Variants in DLC1 observed in about 807,000 individuals in gnomAD.
The protein encoded by DLC1 is DLC1 Rho GTPase activating protein.
In DLC1, 54 loss-of-function variants were observed where a neutral mutation model predicts 140.3. The ratio of observed to expected loss-of-function variants is 0.38; its 90% CI spans 0.31 to 0.48. The LOEUF (loss-of-function observed/expected upper bound fraction) is 0.48. Ranked by LOEUF, DLC1 falls within the 20% of genes least tolerant of loss-of-function variation. The pLI is 0.96. For missense variants in DLC1, 2,536 were observed against 1,907.0 expected, an observed-to-expected ratio of 1.33 and a Z score of -6.14; for synonymous variants, 986 against 728.1, an observed-to-expected ratio of 1.35 and a Z score of -5.70.
intron 2 of DLC1, among the ~76,000 whole-genome samples, chr8:13,418,581 T>A (rs1838176922): frequency 6.6e-6 from 1 of 152,220 alleles, no homozygotes; most frequent in African/African-American, 2.4e-5. Context: ...TATATCTCTA[T>A]TTTGGTACCA....
intron 2 of DLC1, among the ~76,000 whole-genome samples, chr8:13,426,835 G>A (rs1186919816): frequency 6.6e-6 from 1 of 151,800 alleles, no homozygotes; most frequent in Non-Finnish European, 1.5e-5. Flanking sequence ...TCTCATCCTA[G>A]GAGATCCTCC....
At chr8:13,321,226 G>A (rs1278308641) in intron 4 of DLC1, among the ~76,000 whole-genome samples, 1 of 152,156 alleles carries the variant, frequency 6.6e-6, no homozygotes, top group Admixed American at 6.5e-5. Context: ...AGAAAAACTG[G>A]AGAGTATTAA....
intron 1 of DLC1, among the ~76,000 whole-genome samples, chr8:13,587,171 G>A (rs1311067605): frequency 6.6e-6 from 1 of 150,786 alleles, no homozygotes; most frequent in Non-Finnish European, 1.5e-5. Context: ...ATGCACAGAT[G>A]CACATTTTAT....
intron 5 of DLC1, among the ~76,000 whole-genome samples, chr8:13,186,293 C>T (rs936441280): frequency 8.5e-5 from 13 of 152,168 alleles, no homozygotes; most frequent in South Asian, 2.1e-4. Context: ...ACCAATCAAA[C>T]GCAGATTTGG....
chr8:13,495,352 G>C (rs1371346476), intron 2 of DLC1, among the ~76,000 whole-genome samples: 1 of 152,044 alleles, frequency 6.6e-6, no homozygotes, highest in Non-Finnish European at 1.5e-5. Context: ...TTCTTAGACT[G>C]TCTCCCTCCT....
chr8:13,396,819 C>G (rs1011024162), intron 3 of DLC1, among the ~76,000 whole-genome samples: 3 of 152,148 alleles, frequency 2.0e-5, no homozygotes, highest in African/African-American at 7.2e-5. Flanking sequence ...CCCAAAAGCT[C>G]TCCCAAAATC....
At chr8:13,402,377 A>C (rs1385025380) in intron 2 of DLC1, among the ~76,000 whole-genome samples, 1 of 152,216 alleles carries the variant, frequency 6.6e-6, no homozygotes, top group African/African-American at 2.4e-5. Context: ...TGGTGTGTTT[A>C]AGTCAAGTCA....
At chr8:13,137,939 G>A (rs1822694630) in intron 5 of DLC1, among the ~76,000 whole-genome samples, 1 of 152,072 alleles carries the variant, frequency 6.6e-6, no homozygotes, top group Admixed American at 6.5e-5. Context: ...GGTATCCGTG[G>A]CCACTGTATT....
At chr8:13,221,726 G>GTGTATA (rs952162614) in intron 5 of DLC1, among the ~76,000 whole-genome samples, 1 of 132,448 alleles carries the variant, frequency 7.6e-6, no homozygotes, top group African/African-American at 2.9e-5. Flanking sequence ...GTGTGTGTGT[G>GTGTATA]TATATATATA....
chr8:13,084,523 G>C lies in DLC1; in HGVS notation c.*1288C>G, dbSNP rs1817396395. On this transcript the variant is annotated 3_prime_UTR_variant, in exon 18 of 18. Coordinates refer to ENST00000276297, the MANE Select transcript of DLC1 (RefSeq NM_182643.3). ...CTAAAGGTTCTAAAAAACTTCACTGGTTTGGGTTGGTTTTCTTCTTGTTGC... is the reference window on the plus strand; with the variant it reads ...CTAAAGGTTCTAAAAAACTTCACTGCTTTGGGTTGGTTTTCTTCTTGTTGC... 1 of 151,126 alleles carries C rather than the reference G, an allele frequency of 6.6e-6. No homozygotes were observed. The highest frequency in any genetic ancestry group is 2.4e-5 in the African/African-American group (1 of 40,988). The allele number at this position is 151,126 out of a possible 1,614,324, so 9.4% of individuals were successfully genotyped here. A position where few individuals can be genotyped will look rare whatever the true frequency, so the allele number is the denominator to read the frequency against.
At position 13,423,950 on chromosome 8, in the gene DLC1, G is replaced by T. The variant is rs189363086; in HGVS notation, c.1024-22331C>A. On this transcript the variant is annotated intron_variant, in intron 2 of 17. Transcript: ENST00000276297. Reference sequence around the variant, plus strand: ...AGAATTATGATCTCATTATTTTTAAGATTCTGTTATTTGCTCAGCAAAACG... The same window carrying T: ...AGAATTATGATCTCATTATTTTTAATATTCTGTTATTTGCTCAGCAAAACG... Among the ~76,000 whole-genome samples the T allele has an allele frequency of 3.3e-4, 50 of 152,252 alleles. 1 individual carries two copies. The highest frequency in any genetic ancestry group is 7.8e-4 in the Admixed American group (12 of 15,296).
chr8:13,097,139 A>G (rs1381305262), intron 10 of DLC1, among the ~76,000 whole-genome samples: 1 of 152,182 alleles, frequency 6.6e-6, no homozygotes, highest in African/African-American at 2.4e-5. Flanking sequence ...ATAATATGTT[A>G]GAGTAGTGAA....
At position 13,085,779 on chromosome 8, in the gene DLC1, T is replaced by C. The variant is rs375400572; in HGVS notation, c.*32A>G. ...GCAAAAGTTCTAGAAACAAACACCA[T>C]GGTGGTGGAAGCGGTTGCGTTGCTT... On this transcript the variant is annotated 3_prime_UTR_variant, in exon 18 of 18. Transcript: ENST00000276297. 64 of 1,613,552 alleles carry C rather than the reference T, an allele frequency of 4.0e-5. No homozygotes were observed. The highest frequency in any genetic ancestry group is 5.2e-5 in the Non-Finnish European group (61 of 1,179,742).
chr8:13,140,822 G>A (rs1015236882), intron 5 of DLC1, among the ~76,000 whole-genome samples: 8 of 152,118 alleles, frequency 5.3e-5, no homozygotes, highest in African/African-American at 1.9e-4. Flanking sequence ...TACAAAACAG[G>A]TCATTTACTA....
intron 4 of DLC1, among the ~76,000 whole-genome samples, chr8:13,388,279 G>T (rs1836609114): frequency 6.6e-6 from 1 of 151,866 alleles, no homozygotes; most frequent in South Asian, 2.1e-4. Flanking sequence ...TTTTTCAGTG[G>T]CAATAATGAA....
At chr8:13,278,404 C>A (rs1831250661) in intron 5 of DLC1, among the ~76,000 whole-genome samples, 1 of 152,152 alleles carries the variant, frequency 6.6e-6, no homozygotes. Context: ...GCATGAAGTA[C>A]CCATGGCATG....
At chr8:13,554,779 C>A (rs1803983915) in intron 1 of DLC1, among the ~76,000 whole-genome samples, 2 of 152,182 alleles carry the variant, frequency 1.3e-5, no homozygotes. Context: ...TCCACCTCCC[C>A]ACTCACAATC....
rs1699210214 is a variant in DLC1 at position 13,439,761 on chromosome 8, C to G, written c.1024-38142G>C. 3.3e-5 allele frequency among the ~76,000 whole-genome samples: 5 copies of G among 152,142 alleles called. No individual in the cohort carries two copies. In the South Asian group the frequency reaches 1.0e-3, roughly 32 times the overall value. On this transcript the variant is annotated intron_variant, in intron 2 of 17. Coordinates refer to ENST00000276297, the MANE Select transcript of DLC1 (RefSeq NM_182643.3). ...TATGTCTCCTTCTGAGCCCTGTGAACTACCAGCTTCCAGAAAACCCTCGCT... is the reference window on the plus strand; with the variant it reads ...TATGTCTCCTTCTGAGCCCTGTGAAGTACCAGCTTCCAGAAAACCCTCGCT...
upstream of DLC1, among the ~76,000 whole-genome samples, chr8:13,518,266 A>C (rs900034508): frequency 6.6e-6 from 1 of 151,910 alleles, no homozygotes; most frequent in South Asian, 2.1e-4. Context: ...ACTCCACCAC[A>C]CTTGGCTAAT....
Sources: allele counts gnomAD v4.1 joint callset (sites outside exome capture counted in the v4.1 genomes callset), GRCh38; gene constraint gnomAD v4.1.1; transcripts MANE v1.5; gene names NCBI Gene and HGNC (gene_info 2026-07-23, HGNC 2026-07-21).